CABLES1: variants seen among roughly 807,000 people sequenced by gnomAD.
The protein encoded by CABLES1 is CDK5 and ABL1 enzyme substrate 1.
CABLES1 carries 36 observed loss-of-function variants against 57.8 expected under a neutral mutation model. The observed-to-expected ratio is 0.62, with a 90% CI of 0.48 to 0.82. The LOEUF is 0.82. CABLES1 is among the 40% of genes least tolerant of loss of function. The pLI is 0.00. For missense variants in CABLES1, 767 were observed against 836.6 expected (o/e 0.92, Z 1.03); for synonymous variants, 374 against 363.0 (o/e 1.03, Z -0.35).
chr18:23,135,799 T>TGCAGCA lies in CABLES1; in HGVS notation c.40_45dup (p.Ser14_Ser15dup). Reference sequence around the variant, plus strand: ...GGCGGCGGCCGCCACCACGGCCGCCTGCAGCAGCGGCAGCGCCGGCACCGA... The same window carrying TGCAGCA: ...GGCGGCGGCCGCCACCACGGCCGCCTGCAGCAGCAGCAGCGGCAGCGCCGGCACCGA... On this transcript the variant is annotated inframe_insertion, in exon 1 of 10. Coordinates refer to ENST00000256925, the MANE Select transcript of CABLES1 (RefSeq NM_001100619.3). The TGCAGCA allele has an allele frequency of 1.1e-6, 1 of 927,732 alleles. No homozygotes were observed. The highest frequency in any genetic ancestry group is 1.3e-6 in the Non-Finnish European group (1 of 781,190). 57.5% of individuals were successfully genotyped at this position (927,732 alleles called of 1,614,324 possible). A position where few individuals can be genotyped will look rare whatever the true frequency, so the allele number is the denominator to read the frequency against.
At chr18:23,234,759 A>G (rs1212497014) in intron 5 of CABLES1, 55 bp downstream of exon 5, 5 of 1,427,696 alleles carry the variant, frequency 3.5e-6, no homozygotes, top group Non-Finnish European at 3.9e-6. Context: ...AAGGGTCAGG[A>G]AGCAGAGGAG....
chr18:23,147,264 A>C (rs957736213), intron 1 of CABLES1, among the ~76,000 whole-genome samples: 1 of 152,230 alleles, frequency 6.6e-6, no homozygotes, highest in African/African-American at 2.4e-5. Context: ...TGAGCAGAAG[A>C]GTGGAAAGAC....
chr18:23,216,969 G>A (rs1011821946), intron 4 of CABLES1, among the ~76,000 whole-genome samples: 1 of 152,234 alleles, frequency 6.6e-6, no homozygotes, highest in Admixed American at 6.5e-5. Flanking sequence ...AAATGAGTGT[G>A]TGGGATCCCA....
chr18:23,182,927 G>T (rs1361943693), intron 1 of CABLES1, among the ~76,000 whole-genome samples: 3 of 152,216 alleles, frequency 2.0e-5, no homozygotes, highest in Non-Finnish European at 2.9e-5. Context: ...CTGCTTACCA[G>T]GCTCAGGAGA....
At chr18:23,218,416 C>T (rs2047459477) in intron 4 of CABLES1, among the ~76,000 whole-genome samples, 1 of 88,428 alleles carries the variant, frequency 1.1e-5, no homozygotes, top group African/African-American at 5.3e-5. Context: ...CCTCACTTGC[C>T]CTGCCTCCCG....
chr18:23,148,800 G>A (rs1219334543), intron 1 of CABLES1, among the ~76,000 whole-genome samples: 1 of 152,236 alleles, frequency 6.6e-6, no homozygotes, highest in African/African-American at 2.4e-5. Context: ...TTAATCCAGA[G>A]GAAAACGGGA....
intron 4 of CABLES1, among the ~76,000 whole-genome samples, chr18:23,219,866 C>T (rs891400619): frequency 1.3e-5 from 2 of 152,160 alleles, no homozygotes; most frequent in Non-Finnish European, 2.9e-5. Context: ...AGCAACTTCT[C>T]GAGCACCTAC....
chr18:23,140,907 TTCC>T (rs2046854075), intron 1 of CABLES1, among the ~76,000 whole-genome samples: 1 of 152,192 alleles, frequency 6.6e-6, no homozygotes, highest in Non-Finnish European at 1.5e-5. Context: ...CTGGGTCTGT[TTCC>T]TCCTGAGAAC....
chr18:23,213,729 G>A (rs1242029493), intron 3 of CABLES1, among the ~76,000 whole-genome samples: 1 of 152,210 alleles, frequency 6.6e-6, no homozygotes, highest in Non-Finnish European at 1.5e-5. Context: ...AGGGGTGCAG[G>A]TGTACTCATT....
chr18:23,245,259 A>G (rs1000920829), intron 7 of CABLES1, among the ~76,000 whole-genome samples: 2 of 152,078 alleles, frequency 1.3e-5, no homozygotes, highest in South Asian at 2.1e-4. Flanking sequence ...TGTAACCCCA[A>G]CGCTTTGGGA....
intron 4 of CABLES1, among the ~76,000 whole-genome samples, chr18:23,231,577 G>C (rs557583188): frequency 2.0e-5 from 3 of 152,186 alleles, no homozygotes; most frequent in African/African-American, 7.2e-5. Flanking sequence ...AGTGAGTCAC[G>C]TTATTTCTCG....
At chr18:23,243,868 G>A (rs867746335) in intron 7 of CABLES1, among the ~76,000 whole-genome samples, 10 of 89,044 alleles carry the variant, frequency 1.1e-4, no homozygotes, top group Middle Eastern at 0.013. Context: ...CCAAGACTCC[G>A]TTTCAAAAAA....
rs971551784 is a variant in CABLES1 at position 23,158,528 on chromosome 18, C to G, written c.845+21921C>G. Among the ~76,000 whole-genome samples, 3 of 152,268 alleles carry G rather than the reference C, an allele frequency of 2.0e-5. No individual in the cohort carries two copies. In the East Asian group the frequency reaches 5.8e-4, roughly 29 times the overall value. ...ATAGTACGGTTGTCATTGCATCGTA[C>G]ACAGCCAGTAAGGGATTTTGTAATT... On this transcript the variant is annotated intron_variant, in intron 1 of 9. Coordinates refer to ENST00000256925, the MANE Select transcript of CABLES1 (RefSeq NM_001100619.3).
intron 2 of CABLES1, among the ~76,000 whole-genome samples, chr18:23,193,280 C>T (rs2047258658): frequency 6.6e-6 from 1 of 152,024 alleles, no homozygotes; most frequent in South Asian, 2.1e-4. Context: ...CAACCTCGGC[C>T]TCCCGGGTTG....
At chr18:23,160,408 G>A (rs2046995413) in intron 1 of CABLES1, among the ~76,000 whole-genome samples, 1 of 152,226 alleles carries the variant, frequency 6.6e-6, no homozygotes, top group Admixed American at 6.5e-5. Flanking sequence ...CACATAGGCA[G>A]TTTGTCTTCT....
At position 23,235,928 on chromosome 18, in the gene CABLES1, A is replaced by G; in HGVS notation, c.1219A>G (p.Asn407Asp). The change falls in exon 6 of 10, where the codon AAT becomes GAT. Residue 407 changes from asparagine (N) to aspartate (D), a missense_variant. Transcript: ENST00000256925. ...VSYTQFLLPTNAFGARRNTID... is the reference protein window; with the variant it reads ...VSYTQFLLPTDAFGARRNTID... ...CTATACCCAATTTCTGTTACCCACA[A>G]ATGCCTTTGGAGCCCGGAGAAATAC... 6.2e-7 allele frequency: 1 copy of G among 1,614,170 alleles called. No individual in the cohort carries two copies. The highest frequency in any genetic ancestry group is 8.5e-7 in the Non-Finnish European group (1 of 1,180,022).
At position 23,135,798 on chromosome 18, in the gene CABLES1, C is replaced by T. The variant is rs2046814164; in HGVS notation, c.36C>T (p.Ala12=). 3.1e-6 allele frequency: 3 copies of T among 979,420 alleles called. No homozygotes were observed. The highest frequency in any genetic ancestry group is 3.6e-6 in the Non-Finnish European group (3 of 825,088). The allele number at this position is 979,420 out of a possible 1,614,324, so 60.7% of individuals were successfully genotyped here. A position where few individuals can be genotyped will look rare whatever the true frequency, so the allele number is the denominator to read the frequency against. Residue 12 remains alanine, a synonymous_variant, in exon 1 of 10, where the codon GCC becomes GCT. Coordinates refer to ENST00000256925, the MANE Select transcript of CABLES1 (RefSeq NM_001100619.3). ...CGGCGGCGGCCGCCACCACGGCCGC[C>T]TGCAGCAGCGGCAGCGCCGGCACCG... The part of the protein sequence containing the change: ...AAAAAAATTA[A]CSSGSAGTDA...
intron 1 of CABLES1, among the ~76,000 whole-genome samples, chr18:23,136,891 CG>C (rs1165172198): frequency 6.6e-6 from 1 of 152,212 alleles, no homozygotes; most frequent in African/African-American, 2.4e-5. Flanking sequence ...CAGTAGAAAG[CG>C]GCGTCCGAGC....
At chr18:23,187,814 A>G (rs547334604) in intron 1 of CABLES1, among the ~76,000 whole-genome samples, 1 of 152,194 alleles carries the variant, frequency 6.6e-6, no homozygotes. Context: ...AAACAAGCCA[A>G]AGGTATCAGA....
Sources: allele counts gnomAD v4.1 joint callset (sites outside exome capture counted in the v4.1 genomes callset), GRCh38; gene constraint gnomAD v4.1.1; transcripts MANE v1.5; gene names NCBI Gene and HGNC (gene_info 2026-07-23, HGNC 2026-07-21).